Variants in UBE2W observed in about 807,000 individuals in gnomAD.
UBE2W encodes the protein ubiquitin conjugating enzyme E2 W, also known as ubiquitin-conjugating enzyme E2 W.
UBE2W carries 18 observed loss-of-function variants against 27.2 expected under a neutral mutation model. The observed-to-expected ratio is 0.66, with a 90% CI of 0.46 to 0.98. The LOEUF (loss-of-function observed/expected upper bound fraction) is 0.98, where lower values mean the gene tolerates loss of function less well. Among genes scored for constraint, UBE2W ranks in the 50% least tolerant of loss-of-function variants. UBE2W has a pLI of 0.00. For missense variants in UBE2W, 90 were observed against 180.2 expected (o/e 0.50, Z 2.87); for synonymous variants, 53 against 57.2 (o/e 0.93, Z 0.33).
At chr8:73,784,281 C>A (rs759160933), downstream of UBE2W, among the ~76,000 whole-genome samples, 1 of 152,176 alleles carries the variant, frequency 6.6e-6, no homozygotes, top group African/African-American at 2.4e-5. Flanking sequence ...CCCCAGGATA[C>A]CAAGTGTCAA....
At chr8:73,822,618 A>T (rs1045950043) in intron 3 of UBE2W, among the ~76,000 whole-genome samples, 42 of 144,256 alleles carry the variant, frequency 2.9e-4, no homozygotes, top group African/African-American at 9.2e-4. Flanking sequence ...AAAAAAAAAA[A>T]AAAAAAAAAA....
At chr8:73,833,833 T>C (rs1226028030) in intron 1 of UBE2W, 2 of 152,198 alleles carry the variant, frequency 1.3e-5, no homozygotes, top group African/African-American at 2.4e-5. Flanking sequence ...CCACTACTGA[T>C]TGGCATGGGA....
intron 1 of UBE2W, among the ~76,000 whole-genome samples, chr8:73,865,808 T>C (rs1811730728): frequency 1.3e-5 from 2 of 152,168 alleles, no homozygotes; most frequent in Admixed American, 1.3e-4. Context: ...ATTTTTTAAA[T>C]TTTATCTTAT....
chr8:73,802,881 A>C (rs1586451278), intron 5 of UBE2W, among the ~76,000 whole-genome samples: 1 of 150,496 alleles, frequency 6.6e-6, no homozygotes. Context: ...AAATTAGCCG[A>C]GCGAGGTGGC....
Position 73,789,282 on chromosome 8 carries a change from GC to G in UBE2W, c.*4819del, listed in dbSNP as rs1484487330. The G allele has an allele frequency of 4.7e-6, 1 of 211,048 alleles. No individual in the cohort carries two copies. Among genetic ancestry groups the G allele is most frequent in the African/African-American group, 2.9e-5 (1 of 34,270 alleles). The allele number at this position is 211,048 out of a possible 1,614,324, so 13.1% of individuals were successfully genotyped here. A position where few individuals can be genotyped will look rare whatever the true frequency, so the allele number is the denominator to read the frequency against. The stretch of plus-strand genomic sequence containing the variant: ...GCCCAGGAATTCAAGATCAGCCTGG[GC>G]AACATGGTGAGACCTCGTGTCTTTA... On this transcript the variant is annotated 3_prime_UTR_variant, in exon 6 of 6. Transcript: ENST00000602593.
At position 73,793,917 on chromosome 8, in the gene UBE2W, G is replaced by C; in HGVS notation, c.*185C>G. Reference sequence around the variant, plus strand: ...TATGACTAATAAAAGCATGTCAGTTGCCTGGACTGAACCAGCGATCAACAT... The same window carrying C: ...TATGACTAATAAAAGCATGTCAGTTCCCTGGACTGAACCAGCGATCAACAT... On this transcript the variant is annotated 3_prime_UTR_variant, in exon 6 of 6. Transcript: ENST00000602593. 7.0e-7 allele frequency: 1 copy of C among 1,432,242 alleles called. No homozygotes were observed. The highest frequency in any genetic ancestry group is 9.2e-7 in the Non-Finnish European group (1 of 1,090,530). 88.7% of individuals were successfully genotyped at this position (1,432,242 alleles called of 1,614,324 possible).
At position 73,878,727 on chromosome 8, in the gene UBE2W, T is replaced by C. The variant is rs1243384421; in HGVS notation, c.15+81A>G. ...CCGAACCCGCCCGGGTGTCCCCGAA[T>C]CGCGGACGCCACCCCCGCCCGAACG... On this transcript the variant is annotated intron_variant, in intron 1 of 5. Coordinates refer to ENST00000602593, the MANE Select transcript of UBE2W (RefSeq NM_018299.6). The C allele has an allele frequency of 1.2e-5, 15 of 1,287,322 alleles. No homozygotes were observed. In the Admixed American group the frequency reaches 2.8e-4, roughly 24 times the overall value. The allele number at this position is 1,287,322 out of a possible 1,614,324, so 79.7% of individuals were successfully genotyped here.
At chr8:73,842,528 CAAAA>C (rs759063478) in intron 1 of UBE2W, among the ~76,000 whole-genome samples, 557 of 9,062 alleles carry the variant, frequency 0.061, no homozygotes, top group African/African-American at 0.17. Flanking sequence ...GACTCCGTCT[CAAAA>C]AAAAAAAAAA....
intron 3 of UBE2W, among the ~76,000 whole-genome samples, chr8:73,816,584 T>C (rs1809396792): frequency 6.6e-6 from 1 of 152,170 alleles, no homozygotes; most frequent in Admixed American, 6.5e-5. Context: ...CTCAGTACTT[T>C]TAAAGCTTTA....
intron 1 of UBE2W, among the ~76,000 whole-genome samples, chr8:73,848,194 A>G (rs958788374): frequency 8.5e-5 from 13 of 152,066 alleles, no homozygotes; most frequent in African/African-American, 2.4e-5. Context: ...CTGTGTCTCA[A>G]AATAAATAAG....
At chr8:73,813,434 G>T (rs1809257887) in intron 3 of UBE2W, among the ~76,000 whole-genome samples, 1 of 152,132 alleles carries the variant, frequency 6.6e-6, no homozygotes, top group African/African-American at 2.4e-5. Flanking sequence ...AGTAGAAGAG[G>T]ACTGAGATAA....
intron 1 of UBE2W, among the ~76,000 whole-genome samples, chr8:73,875,145 TG>T (rs1452527658): frequency 3.3e-5 from 5 of 152,110 alleles, no homozygotes; most frequent in African/African-American, 1.2e-4. Flanking sequence ...AAAAAGAAAA[TG>T]AGTAAAGAAT....
At chr8:73,844,857 G>A (rs1031055531) in intron 1 of UBE2W, among the ~76,000 whole-genome samples, 6 of 149,470 alleles carry the variant, frequency 4.0e-5, no homozygotes, top group African/African-American at 9.9e-5. Context: ...TGGGAGGTGC[G>A]GAGCGTCTCC....
intron 4 of UBE2W, among the ~76,000 whole-genome samples, chr8:73,807,390 T>C (rs115753279): frequency 2.0e-5 from 3 of 152,218 alleles, no homozygotes; most frequent in African/African-American, 7.2e-5. Flanking sequence ...GACTCTGTGA[T>C]AGCAGGAAGG....
chr8:73,860,193 A>G (rs532123049), intron 1 of UBE2W, among the ~76,000 whole-genome samples: 2 of 152,324 alleles, frequency 1.3e-5, no homozygotes, highest in Admixed American at 6.5e-5. Context: ...CTGCAAAGTG[A>G]AAGAATTACC....
At position 73,791,589 on chromosome 8, in the gene UBE2W, A is replaced by G. The variant is rs1279134998; in HGVS notation, c.*2513T>C. On this transcript the variant is annotated 3_prime_UTR_variant, in exon 6 of 6. Coordinates refer to ENST00000602593, the MANE Select transcript of UBE2W (RefSeq NM_018299.6). ...ATTCTTTTTATTATTACAAGCCATT[A>G]ATTGCTCTCTGTAGAGCAATGACTC... The G allele has an allele frequency of 1.0e-6, 1 of 985,022 alleles. No individual in the cohort carries two copies. The highest frequency in any genetic ancestry group is 1.7e-5 in the African/African-American group (1 of 57,216). The allele number at this position is 985,022 out of a possible 1,614,324, so 61.0% of individuals were successfully genotyped here. A position where few individuals can be genotyped will look rare whatever the true frequency, so the allele number is the denominator to read the frequency against.
chr8:73,826,034 T>C (rs778429613), intron 2 of UBE2W, among the ~76,000 whole-genome samples: 11 of 152,254 alleles, frequency 7.2e-5, no homozygotes, highest in Admixed American at 1.3e-4. Context: ...GACTTATTTT[T>C]TTCATCAACA....
chr8:73,827,503 C>T (rs146693732), intron 2 of UBE2W, among the ~76,000 whole-genome samples: 4 of 152,154 alleles, frequency 2.6e-5, no homozygotes, highest in African/African-American at 9.6e-5. Context: ...TGTGAACCAC[C>T]GCACCTGGCC....
At chr8:73,806,743 T>C (rs1327603316) in intron 4 of UBE2W, among the ~76,000 whole-genome samples, 1 of 152,008 alleles carries the variant, frequency 6.6e-6, no homozygotes, top group African/African-American at 2.4e-5. Flanking sequence ...CTAAACTAGA[T>C]TTGTTGGGAG....
Sources: allele counts gnomAD v4.1 joint callset (sites outside exome capture counted in the v4.1 genomes callset), GRCh38; gene constraint gnomAD v4.1.1; transcripts MANE v1.5; gene names NCBI Gene and HGNC (gene_info 2026-07-23, HGNC 2026-07-21).